Variants in STAG1 observed in about 807,000 individuals in gnomAD.
The protein encoded by STAG1 is cohesin subunit SA-1.
In STAG1, 26 loss-of-function variants were observed where a neutral mutation model predicts 170.9. The observed-to-expected ratio is 0.15, with a 90% CI of 0.11 to 0.21. The LOEUF is 0.21. Among genes scored for constraint, STAG1 ranks in the 10% least tolerant of loss-of-function variants. The pLI is 1.00. For synonymous variants in STAG1, 514 were observed against 497.7 expected, an observed-to-expected ratio of 1.03 and a Z score of -0.44; for missense variants, 964 against 1,509.5, an observed-to-expected ratio of 0.64 and a Z score of 5.99.
intron 1 of STAG1, among the ~76,000 whole-genome samples, chr3:136,657,324 G>T (rs572009276): frequency 6.7e-6 from 1 of 149,830 alleles, no homozygotes; most frequent in African/African-American, 2.4e-5. Context: ...TCAGCCGCCC[G>T]AGTAGCTAGG....
intron 21 of STAG1, among the ~76,000 whole-genome samples, chr3:136,403,066 A>G (rs1455973878): frequency 6.6e-6 from 1 of 151,920 alleles, no homozygotes; most frequent in Middle Eastern, 3.4e-3. Context: ...TGTCTCTACT[A>G]AAAATACAAA....
rs184966931 is a variant in STAG1, at chr3:136,712,849, G to A, written c.-84+39346C>T. 3.3e-5 allele frequency among the ~76,000 whole-genome samples: 5 copies of A among 152,320 alleles called. No homozygotes were observed. The East Asian group carries it at 9.6e-4, about 29-fold the overall frequency. ...CTCATGCCTGTAATCCCAGCACTCT[G>A]GGAGGCTGAGGCAGGTGGATCACCT... is the stretch of plus-strand genomic sequence containing the variant. On this transcript the variant is annotated intron_variant, in intron 1 of 33. Coordinates refer to ENST00000383202, the MANE Select transcript of STAG1 (RefSeq NM_005862.3).
chr3:136,665,643 AGT>A (rs1486787982), intron 1 of STAG1, among the ~76,000 whole-genome samples: 2 of 151,010 alleles, frequency 1.3e-5, no homozygotes, highest in African/African-American at 2.4e-5. Flanking sequence ...AGCCAGGTGT[AGT>A]GGCAGGCGCC....
intron 4 of STAG1, among the ~76,000 whole-genome samples, chr3:136,595,500 T>C (rs187657419): frequency 8.0e-4 from 122 of 151,986 alleles, no homozygotes; most frequent in Non-Finnish European, 1.4e-3. Flanking sequence ...GAGACCATCC[T>C]GGCTAACACG....
At chr3:136,399,871 T>A (rs2087268361) in intron 21 of STAG1, among the ~76,000 whole-genome samples, 1 of 152,202 alleles carries the variant, frequency 6.6e-6, no homozygotes, top group Admixed American at 6.6e-5. Flanking sequence ...TACTTATTAA[T>A]TCACTTAAAA....
intron 22 of STAG1, 36 bp downstream of exon 22, chr3:136,398,713 G>T: frequency 7.7e-7 from 1 of 1,305,530 alleles, no homozygotes; most frequent in Non-Finnish European, 1.1e-6. Context: ...TATTATTTCA[G>T]TAATAACCCT....
chr3:136,616,734 T>C (rs1939615305), intron 3 of STAG1, among the ~76,000 whole-genome samples: 1 of 152,086 alleles, frequency 6.6e-6, no homozygotes, highest in Non-Finnish European at 1.5e-5. Flanking sequence ...TGACGAAACC[T>C]TGCCTCTACA....
At chr3:136,423,903 A>G (rs1053731173) in intron 16 of STAG1, among the ~76,000 whole-genome samples, 2 of 150,746 alleles carry the variant, frequency 1.3e-5, no homozygotes, top group Admixed American at 1.3e-4. Flanking sequence ...TTGCTCTGTC[A>G]CCCAGGCTGG....
intron 4 of STAG1, among the ~76,000 whole-genome samples, chr3:136,598,716 C>A (rs1014505549): frequency 1.3e-5 from 2 of 152,110 alleles, no homozygotes; most frequent in African/African-American, 4.8e-5. Flanking sequence ...CGTGAGCCAC[C>A]GCGCCCGGCC....
intron 4 of STAG1, among the ~76,000 whole-genome samples, chr3:136,596,909 C>T (rs61790790): frequency 5.9e-5 from 9 of 151,992 alleles, no homozygotes; most frequent in African/African-American, 1.7e-4. Flanking sequence ...CTTGTCTCTA[C>T]TAAAAATACA....
At chr3:136,701,301 A>C (rs1283998063) in intron 1 of STAG1, among the ~76,000 whole-genome samples, 3 of 152,164 alleles carry the variant, frequency 2.0e-5, no homozygotes, top group Non-Finnish European at 2.9e-5. Context: ...ACATATTAAA[A>C]TACTCCTATT....
chr3:136,639,740 T>A (rs905303449), intron 1 of STAG1, among the ~76,000 whole-genome samples: 1 of 152,212 alleles, frequency 6.6e-6, no homozygotes, highest in Non-Finnish European at 1.5e-5. Flanking sequence ...TTTCAAGCGT[T>A]CATATAAACA....
At chr3:136,466,233 G>T (rs568478638) in intron 12 of STAG1, among the ~76,000 whole-genome samples, 1 of 152,102 alleles carries the variant, frequency 6.6e-6, no homozygotes, top group Non-Finnish European at 1.5e-5. Context: ...GGAGCCCATC[G>T]CAAAGAAGCT....
At chr3:136,355,963 T>C (rs1030332186) in intron 28 of STAG1, among the ~76,000 whole-genome samples, 2 of 152,178 alleles carry the variant, frequency 1.3e-5, no homozygotes, top group African/African-American at 4.8e-5. Context: ...AATGCCTGTA[T>C]TGAAAAAGTT....
chr3:136,443,926 C>T (rs1054014738), intron 14 of STAG1, among the ~76,000 whole-genome samples: 1 of 152,146 alleles, frequency 6.6e-6, no homozygotes, highest in African/African-American at 2.4e-5. Flanking sequence ...TCATTCCTTA[C>T]TCCACCCCCA....
chr3:136,718,739 A>G (rs1277716846), intron 1 of STAG1, among the ~76,000 whole-genome samples: 1 of 152,214 alleles, frequency 6.6e-6, no homozygotes, highest in Non-Finnish European at 1.5e-5. Context: ...AGCCTGGCCA[A>G]CATGGCAAAA....
chr3:136,520,114 T>C (rs1372998820), intron 7 of STAG1, among the ~76,000 whole-genome samples: 2 of 152,168 alleles, frequency 1.3e-5, no homozygotes, highest in Admixed American at 1.3e-4. Flanking sequence ...CTCCAGTTAT[T>C]ATCTTATTGG....
chr3:136,493,695 G>C (rs563806129), intron 9 of STAG1, among the ~76,000 whole-genome samples: 2 of 148,078 alleles, frequency 1.4e-5, no homozygotes, highest in South Asian at 4.3e-4. Context: ...AATAAATATG[G>C]AAACATAAAT....
chr3:136,724,174 G>A (rs993568510), intron 1 of STAG1, among the ~76,000 whole-genome samples: 10 of 152,034 alleles, frequency 6.6e-5, no homozygotes, highest in South Asian at 2.1e-4. Context: ...GGAGAAAGGC[G>A]GGGAAAGGAT....
Sources: gnomAD v4.1 joint callset for allele counts (sites outside exome capture counted in the v4.1 genomes callset) on GRCh38, gnomAD v4.1.1 for gene constraint, MANE v1.5 for transcripts, NCBI Gene and HGNC (gene_info 2026-07-23, HGNC 2026-07-21) for gene names.